The following SBF2 variants were observed in gnomAD, a reference collection of about 807,000 sequenced individuals.
The protein encoded by SBF2 is myotubularin-related protein 13.
SBF2 carries 112 observed loss-of-function variants against 225.2 expected under a neutral mutation model. That is an observed-to-expected ratio of 0.50 (90% confidence interval 0.43 to 0.58). The LOEUF (loss-of-function observed/expected upper bound fraction) is 0.58, where lower values mean the gene tolerates loss of function less well. SBF2 is among the 20% of genes least tolerant of loss of function. The pLI is 0.00. For missense variants in SBF2, 1,996 were observed against 2,206.2 expected (o/e 0.90, Z 1.91); for synonymous variants, 763 against 773.3 (o/e 0.99, Z 0.22).
intron 28 of SBF2, among the ~76,000 whole-genome samples, chr11:9,822,258 CTTTTTTTTTTTT>C (rs1210806960): frequency 7.7e-6 from 1 of 129,416 alleles, no homozygotes; most frequent in Non-Finnish European, 1.7e-5. Flanking sequence ...TAACTAAACT[CTTTTTTTTTTTT>C]TTTTTTTTGA....
At position 9,785,071 on chromosome 11, in the gene SBF2, C is replaced by T. The variant is rs550921964; in HGVS notation, c.5231+54G>A. 146 of 1,521,706 alleles carry T rather than the reference C, an allele frequency of 9.6e-5. 1 individual carries two copies. The South Asian group carries it at 1.5e-3, about 16-fold the overall frequency. 94.3% of individuals were successfully genotyped at this position (1,521,706 alleles called of 1,614,324 possible). A position where few individuals can be genotyped will look rare whatever the true frequency, so the allele number is the denominator to read the frequency against. On this transcript the variant is annotated intron_variant, in intron 37 of 39. Coordinates refer to ENST00000256190, the MANE Select transcript of SBF2 (RefSeq NM_030962.4). ...GCTTATTGAGGGACCTGTGGTTTAG[C>T]CTCAGGTGCTGTGGGGAAGTCTTCA...
chr11:9,850,291 TGTTG>T, intron 21 of SBF2, 73 bp from the exon 22 acceptor site: 1 of 1,415,528 alleles, frequency 7.1e-7, no homozygotes, highest in Non-Finnish European at 9.9e-7. Flanking sequence ...GGTCTTGCTC[TGTTG>T]CCCAGCCTAG....
chr11:10,122,982 T>G (rs1953552921), intron 2 of SBF2, among the ~76,000 whole-genome samples: 1 of 152,150 alleles, frequency 6.6e-6, no homozygotes, highest in African/African-American at 2.4e-5. Flanking sequence ...CTTGTCTCCG[T>G]TTTTCTTCTG....
chr11:10,033,035 T>C (rs563930252), intron 3 of SBF2, among the ~76,000 whole-genome samples: 1 of 152,232 alleles, frequency 6.6e-6, no homozygotes, highest in Non-Finnish European at 1.5e-5. Context: ...TTTGTATGTA[T>C]GATAGAGTCC....
intron 17 of SBF2, among the ~76,000 whole-genome samples, chr11:9,872,662 G>A (rs780765347): frequency 2.0e-5 from 3 of 149,220 alleles, no homozygotes; most frequent in African/African-American, 2.5e-5. Context: ...CGTGTGGATC[G>A]GAGGAACTGG....
At position 9,809,025 on chromosome 11, in the gene SBF2, C is replaced by T. The variant is rs776326689; in HGVS notation, c.4156-23G>A. Reference sequence around the variant, plus strand: ...AAGCTAAGAGACAGGAAGGAGAACACAATTAGACCAAGCGCTTTCTGAGTG... The same window carrying T: ...AAGCTAAGAGACAGGAAGGAGAACATAATTAGACCAAGCGCTTTCTGAGTG... On this transcript the variant is annotated intron_variant, in intron 30 of 39. Coordinates refer to ENST00000256190, the MANE Select transcript of SBF2 (RefSeq NM_030962.4). 4 of 1,577,194 alleles carry T rather than the reference C, an allele frequency of 2.5e-6. No homozygotes were observed. In the South Asian group the frequency reaches 4.4e-5, roughly 17 times the overall value.
intron 17 of SBF2, 43 bp downstream of exon 17, chr11:9,895,900 A>G (rs1861212081): frequency 7.2e-7 from 1 of 1,386,814 alleles, no homozygotes; most frequent in Admixed American, 1.7e-5. Flanking sequence ...GAATACATTT[A>G]TGTAAATCAT....
chr11:10,067,716 G>A (rs369067063), intron 2 of SBF2, among the ~76,000 whole-genome samples: 6 of 152,018 alleles, frequency 3.9e-5, no homozygotes, highest in African/African-American at 1.5e-4. Flanking sequence ...GCAACATAGG[G>A]AGACCCTGTC....
intron 1 of SBF2, among the ~76,000 whole-genome samples, chr11:10,213,244 G>T (rs548782898): frequency 3.3e-5 from 5 of 152,210 alleles, no homozygotes; most frequent in African/African-American, 1.2e-4. Flanking sequence ...CCATCTTGGA[G>T]GATGTTTTTA....
chr11:10,060,545 T>A (rs1445171752), intron 2 of SBF2, among the ~76,000 whole-genome samples: 4 of 152,122 alleles, frequency 2.6e-5, no homozygotes, highest in Admixed American at 6.5e-5. Context: ...GCCAGCATCA[T>A]CCTGATACCT....
At chr11:10,026,064 T>C (rs1949041897) in intron 6 of SBF2, among the ~76,000 whole-genome samples, 1 of 151,520 alleles carries the variant, frequency 6.6e-6, no homozygotes, top group Non-Finnish European at 1.5e-5. Flanking sequence ...ATGCTAATTG[T>C]ATTGGGGGTA....
At chr11:9,928,904 G>T in intron 16 of SBF2, 1 of 384,658 alleles carries the variant, frequency 2.6e-6, no homozygotes, top group South Asian at 2.2e-5. Flanking sequence ...TGAAAATGAT[G>T]TTAGATAAAA....
chr11:9,779,897 C>A lies in SBF2; in HGVS notation c.*521G>T, dbSNP rs1045854904. The A allele has an allele frequency of 2.9e-5, 6 of 207,094 alleles. No homozygotes were observed. Among genetic ancestry groups the A allele is most frequent in the Non-Finnish European group, 6.0e-5 (6 of 100,222 alleles). 12.8% of individuals were successfully genotyped at this position (207,094 alleles called of 1,614,324 possible). ...TGAACCCCACTGGCAGAGCACGGACCATGGAAGCATCTTTTGGCAGCACCA... is the reference window on the plus strand; with the variant it reads ...TGAACCCCACTGGCAGAGCACGGACAATGGAAGCATCTTTTGGCAGCACCA... On this transcript the variant is annotated 3_prime_UTR_variant, in exon 40 of 40. Coordinates refer to ENST00000256190, the MANE Select transcript of SBF2 (RefSeq NM_030962.4).
At chr11:10,182,434 ATT>A (rs1246435402) in intron 2 of SBF2, among the ~76,000 whole-genome samples, 1 of 152,216 alleles carries the variant, frequency 6.6e-6, no homozygotes, top group African/African-American at 2.4e-5. Flanking sequence ...AGAGTTCAGT[ATT>A]CTTTCTTGCA....
At chr11:10,183,214 C>T (rs1276979435) in intron 2 of SBF2, among the ~76,000 whole-genome samples, 1 of 152,154 alleles carries the variant, frequency 6.6e-6, no homozygotes, top group East Asian at 1.9e-4. Context: ...AAACTTTGCT[C>T]TCCCTTTCTA....
intron 1 of SBF2, among the ~76,000 whole-genome samples, chr11:10,239,721 CGT>C (rs1959182192): frequency 0.015 from 2,097 of 141,654 alleles, 51 homozygotes; most frequent in Middle Eastern, 0.038. Flanking sequence ...AAGACCGTGA[CGT>C]CACAACAATG....
chr11:9,946,514 G>A (rs948048690), intron 16 of SBF2, among the ~76,000 whole-genome samples: 8 of 150,112 alleles, frequency 5.3e-5, no homozygotes, highest in Non-Finnish European at 7.4e-5. Flanking sequence ...GCAGTGGTGC[G>A]ATCTCGGCTC....
At chr11:9,834,339 G>T (rs914579271) in intron 26 of SBF2, among the ~76,000 whole-genome samples, 1 of 151,982 alleles carries the variant, frequency 6.6e-6, no homozygotes, top group Admixed American at 6.6e-5. Flanking sequence ...TGATCTGCCC[G>T]CCTCGGCCTC....
intron 1 of SBF2, among the ~76,000 whole-genome samples, chr11:10,258,058 T>C (rs1024915883): frequency 2.0e-5 from 3 of 147,594 alleles, no homozygotes; most frequent in African/African-American, 7.6e-5. Flanking sequence ...TATGAATCTC[T>C]AAGAGGTATA....
Sources: gnomAD v4.1 joint callset for allele counts (sites outside exome capture counted in the v4.1 genomes callset) on GRCh38, gnomAD v4.1.1 for gene constraint, MANE v1.5 for transcripts, NCBI Gene and HGNC (gene_info 2026-07-23, HGNC 2026-07-21) for gene names.